The following AFG2A variants were observed in gnomAD, a reference collection of about 807,000 sequenced individuals.
AFG2A encodes ATPase family gene 2 protein homolog A.
chr4:123,199,062 G>GGA, the AFG2A span, among the ~76,000 whole-genome samples: 1 of 152,080 alleles, frequency 6.6e-6, no homozygotes, highest in East Asian at 1.9e-4. Context: ...GGCGGTCTGG[G>GGA]GAAGTGAATC....
At chr4:123,139,122 G>T in the AFG2A span, among the ~76,000 whole-genome samples, 28 of 152,176 alleles carry the variant, frequency 1.8e-4, no homozygotes, top group Non-Finnish European at 3.5e-4. Flanking sequence ...TAAAACAGAT[G>T]TAAATATTAA....
At chr4:122,978,706 A>T in the AFG2A span, among the ~76,000 whole-genome samples, 3 of 152,074 alleles carry the variant, frequency 2.0e-5, no homozygotes, top group Non-Finnish European at 4.4e-5. Context: ...GCGCCAAGCC[A>T]CCCTCAGCCT....
chr4:123,314,954 C>T, the AFG2A span: 8 of 151,776 alleles, frequency 5.3e-5, no homozygotes, highest in Admixed American at 3.9e-4. Context: ...CAAGGTTTCA[C>T]CATGTTAGCC....
chr4:123,169,134 CAGTA>C, the AFG2A span, among the ~76,000 whole-genome samples: 3 of 152,144 alleles, frequency 2.0e-5, no homozygotes, highest in Non-Finnish European at 4.4e-5. Flanking sequence ...GTTGGGATTA[CAGTA>C]AGTGAGGGCT....
chr4:123,150,093 C>T, the AFG2A span, among the ~76,000 whole-genome samples: 1 of 152,080 alleles, frequency 6.6e-6, no homozygotes, highest in Non-Finnish European at 1.5e-5. Context: ...GCTAAAAATA[C>T]TCAATAAACT....
At chr4:123,078,469 A>G in the AFG2A span, among the ~76,000 whole-genome samples, 1 of 152,216 alleles carries the variant, frequency 6.6e-6, no homozygotes, top group African/African-American at 2.4e-5. Context: ...TTTGTGCATT[A>G]ATAATAGCTA....
the AFG2A span, among the ~76,000 whole-genome samples, chr4:123,313,469 T>C: frequency 1.3e-5 from 2 of 152,236 alleles, no homozygotes; most frequent in South Asian, 4.1e-4. Context: ...CCTCACTCTG[T>C]ATCAGAATAT....
At chr4:123,317,255 TCTGA>T in the AFG2A span, 1 of 149,968 alleles carries the variant, frequency 6.7e-6, no homozygotes, top group Non-Finnish European at 1.5e-5. Flanking sequence ...CTCTGAGAAT[TCTGA>T]CTATGAGCTT....
At chr4:123,095,042 A>AAAAAT in the AFG2A span, among the ~76,000 whole-genome samples, 32 of 114,098 alleles carry the variant, frequency 2.8e-4, no homozygotes, top group South Asian at 1.1e-3. Context: ...AAAAAAAAAA[A>AAAAAT]ATATATATAT....
At chr4:123,076,128 A>G in the AFG2A span, among the ~76,000 whole-genome samples, 2 of 151,874 alleles carry the variant, frequency 1.3e-5, no homozygotes, top group African/African-American at 4.8e-5. Context: ...AAAATTAGCC[A>G]GGCACGATGG....
chr4:122,981,297 G>A, the AFG2A span, among the ~76,000 whole-genome samples: 1 of 152,060 alleles, frequency 6.6e-6, no homozygotes, highest in Non-Finnish European at 1.5e-5. Context: ...GTCATTGCGT[G>A]TTCTTCGGTA....
the AFG2A span, among the ~76,000 whole-genome samples, chr4:122,975,882 G>A: frequency 6.6e-6 from 1 of 152,116 alleles, no homozygotes; most frequent in African/African-American, 2.4e-5. Flanking sequence ...TTTGTAAGAT[G>A]TCCTAAAGAA....
the AFG2A span, among the ~76,000 whole-genome samples, chr4:123,009,222 G>A: frequency 2.0e-5 from 3 of 152,192 alleles, no homozygotes; most frequent in African/African-American, 7.2e-5. Context: ...GTGACAACAG[G>A]TGTGAAGTCA....
chr4:123,002,650 T>C, the AFG2A span, among the ~76,000 whole-genome samples: 2 of 152,240 alleles, frequency 1.3e-5, no homozygotes, highest in African/African-American at 2.4e-5. Context: ...TCTTCTGGCT[T>C]GTAGAGTTTC....
the AFG2A span, among the ~76,000 whole-genome samples, chr4:123,269,638 C>T: frequency 3.3e-5 from 5 of 152,290 alleles, no homozygotes; most frequent in East Asian, 7.7e-4. Context: ...ATTAGTAACT[C>T]ATGTTTCTTT....
At chr4:123,139,254 C>CT in the AFG2A span, among the ~76,000 whole-genome samples, 1 of 152,098 alleles carries the variant, frequency 6.6e-6, no homozygotes, top group Non-Finnish European at 1.5e-5. Context: ...GTAGCAATCA[C>CT]TGTCTTGTTC....
the AFG2A span, among the ~76,000 whole-genome samples, chr4:123,125,091 A>G: frequency 6.6e-6 from 1 of 152,124 alleles, no homozygotes; most frequent in Non-Finnish European, 1.5e-5. Flanking sequence ...CTATACTTGT[A>G]TGTATAGGAA....
the AFG2A span, among the ~76,000 whole-genome samples, chr4:123,252,104 TA>T: frequency 6.6e-6 from 1 of 152,194 alleles, no homozygotes; most frequent in African/African-American, 2.4e-5. Flanking sequence ...TACCCATTAA[TA>T]TAATTTCCAA....
At chr4:123,007,604 G>A in the AFG2A span, among the ~76,000 whole-genome samples, 119 of 12,492 alleles carry the variant, frequency 9.5e-3, no homozygotes, top group African/African-American at 0.016. Context: ...GTGTGTGTGT[G>A]TGTGTATATA....
Sources: gnomAD v4.1 joint callset for allele counts (sites outside exome capture counted in the v4.1 genomes callset) on GRCh38, gnomAD v4.1.1 for gene constraint, MANE v1.5 for transcripts, NCBI Gene and HGNC (gene_info 2026-07-23, HGNC 2026-07-21) for gene names.